The following CNTNAP5 variants were observed in gnomAD, a reference collection of about 807,000 sequenced individuals.
CNTNAP5 encodes contactin associated protein family member 5.
CNTNAP5 carries 72 observed loss-of-function variants against 150.2 expected under a neutral mutation model. The ratio of observed to expected loss-of-function variants is 0.48; its 90% CI spans 0.40 to 0.58. CNTNAP5 has a LOEUF of 0.58. Among genes scored for constraint, CNTNAP5 ranks in the 20% least tolerant of loss-of-function variants. CNTNAP5 has a pLI of 0.00. For synonymous variants in CNTNAP5, 672 were observed against 619.8 expected (o/e 1.08, Z -1.25); for missense variants, 1,636 against 1,626.2 (o/e 1.01, Z -0.10).
At chr2:124,106,035 G>T (rs1683164186) in intron 1 of CNTNAP5, among the ~76,000 whole-genome samples, 1 of 151,538 alleles carries the variant, frequency 6.6e-6, no homozygotes, top group African/African-American at 2.4e-5. Context: ...AAGGAGAATT[G>T]AAATCTACGA....
chr2:124,542,847 A>G (rs2104908102), intron 10 of CNTNAP5, among the ~76,000 whole-genome samples: 1 of 152,272 alleles, frequency 6.6e-6, no homozygotes, highest in East Asian at 1.9e-4. Flanking sequence ...CTTTAACAGC[A>G]TCTGCTCTCA....
At chr2:124,450,204 T>C (rs1053592501) in intron 6 of CNTNAP5, among the ~76,000 whole-genome samples, 1 of 151,972 alleles carries the variant, frequency 6.6e-6, no homozygotes, top group African/African-American at 2.4e-5. Context: ...TTTTGGAGCA[T>C]GTACTACTCT....
At chr2:124,856,674 G>A (rs181529821) in intron 19 of CNTNAP5, among the ~76,000 whole-genome samples, 8 of 152,194 alleles carry the variant, frequency 5.3e-5, no homozygotes, top group Non-Finnish European at 1.5e-5. Context: ...ATTTCAAGTA[G>A]GATATAAATA....
intron 5 of CNTNAP5, among the ~76,000 whole-genome samples, chr2:124,444,990 A>G: frequency 6.6e-6 from 1 of 152,012 alleles, no homozygotes; most frequent in East Asian, 1.9e-4. Context: ...GACCACGAAG[A>G]CCTTCAGAGA....
intron 1 of CNTNAP5, among the ~76,000 whole-genome samples, chr2:124,157,461 G>C (rs927843307): frequency 2.0e-5 from 3 of 152,108 alleles, no homozygotes; most frequent in African/African-American, 7.2e-5. Context: ...CGGTTTCCTA[G>C]TTTTCCCACC....
At chr2:124,411,341 C>G (rs1053136820) in intron 3 of CNTNAP5, among the ~76,000 whole-genome samples, 1 of 152,022 alleles carries the variant, frequency 6.6e-6, no homozygotes, top group South Asian at 2.1e-4. Context: ...CTATTCCAAT[C>G]AATAGAAAAA....
chr2:124,766,189 C>T (rs1285805524), intron 16 of CNTNAP5, among the ~76,000 whole-genome samples: 1 of 151,934 alleles, frequency 6.6e-6, no homozygotes, highest in Non-Finnish European at 1.5e-5. Flanking sequence ...GTAGGCTGTA[C>T]CCACCACCTT....
At chr2:124,319,792 G>A (rs62170995) in intron 3 of CNTNAP5, among the ~76,000 whole-genome samples, 1 of 152,132 alleles carries the variant, frequency 6.6e-6, no homozygotes, top group African/African-American at 2.4e-5. Context: ...TATTCAGAAA[G>A]GAAGGGGGTT....
chr2:124,176,862 T>TTTTTTTTTTTG (rs1685078604), intron 1 of CNTNAP5, among the ~76,000 whole-genome samples: 1 of 121,954 alleles, frequency 8.2e-6, no homozygotes, highest in African/African-American at 2.9e-5. Context: ...TTTTTTTTTT[T>TTTTTTTTTTTG]ACATGGCGTT....
intron 12 of CNTNAP5, among the ~76,000 whole-genome samples, chr2:124,612,806 A>G (rs1435195993): frequency 6.6e-6 from 1 of 152,226 alleles, no homozygotes; most frequent in Non-Finnish European, 1.5e-5. Flanking sequence ...TAATCCCAAC[A>G]CTTTGGGAGA....
intron 18 of CNTNAP5, among the ~76,000 whole-genome samples, chr2:124,793,319 C>A (rs1324704954): frequency 2.0e-5 from 3 of 152,206 alleles, no homozygotes; most frequent in Admixed American, 1.3e-4. Context: ...GCTTATTGTC[C>A]ATTTGTATAC....
chr2:124,702,130 A>G (rs1679533922), intron 13 of CNTNAP5, among the ~76,000 whole-genome samples: 1 of 151,822 alleles, frequency 6.6e-6, no homozygotes, highest in African/African-American at 2.4e-5. Flanking sequence ...TCTTTTTCTC[A>G]TCACCTACCA....
chr2:124,716,331 C>T (rs1375625101), intron 13 of CNTNAP5, among the ~76,000 whole-genome samples: 1 of 152,170 alleles, frequency 6.6e-6, no homozygotes, highest in African/African-American at 2.4e-5. Flanking sequence ...TAAAAATTGC[C>T]ATCAACATAT....
Position 124,205,697 on chromosome 2 carries a change from C to T in CNTNAP5, c.83-16008C>T, listed in dbSNP as rs151155438. ...GATTATAGGCGTAAGCCACCATACC[C>T]GGCCAAACCTTTTTTCTTTATAAAT... is the stretch of plus-strand genomic sequence containing the variant. On this transcript the variant is annotated intron_variant, in intron 1 of 23. Transcript: ENST00000682447. 3.8e-3 allele frequency among the ~76,000 whole-genome samples: 584 copies of T among 152,284 alleles called. 5 individuals are homozygous for T. Among genetic ancestry groups the T allele is most frequent in the African/African-American group, 0.013 (559 of 41,554 alleles).
chr2:124,392,687 CAAAAAAAA>C (rs35107442), intron 3 of CNTNAP5, among the ~76,000 whole-genome samples: 28 of 68,788 alleles, frequency 4.1e-4, no homozygotes, highest in East Asian at 2.1e-3. Flanking sequence ...TTTTCTTTGC[CAAAAAAAA>C]AAAAAAAAAA....
chr2:124,841,493 C>T (rs2104692892), intron 19 of CNTNAP5, among the ~76,000 whole-genome samples: 1 of 152,048 alleles, frequency 6.6e-6, no homozygotes, highest in East Asian at 1.9e-4. Context: ...CTTCAAGACC[C>T]ATGGCTAATA....
intron 7 of CNTNAP5, among the ~76,000 whole-genome samples, chr2:124,485,044 C>T (rs570908029): frequency 3.3e-5 from 5 of 152,122 alleles, no homozygotes; most frequent in East Asian, 1.9e-4. Context: ...TTCTTAGAAA[C>T]GCTTCACCTT....
intron 12 of CNTNAP5, 75 bp downstream of exon 12, chr2:124,609,995 G>A: frequency 6.7e-7 from 1 of 1,494,822 alleles, no homozygotes; most frequent in East Asian, 2.4e-5. Context: ...TTCACTGGAG[G>A]GGGATACCTA....
chr2:124,605,683 G>A (rs1697087727), intron 11 of CNTNAP5, among the ~76,000 whole-genome samples: 1 of 151,608 alleles, frequency 6.6e-6, no homozygotes, highest in Non-Finnish European at 1.5e-5. Context: ...AGATGCGGTG[G>A]TGTGTGCCTG....
Sources: allele counts gnomAD v4.1 joint callset (sites outside exome capture counted in the v4.1 genomes callset), GRCh38; gene constraint gnomAD v4.1.1; transcripts MANE v1.5; gene names NCBI Gene and HGNC (gene_info 2026-07-23, HGNC 2026-07-21).